ADAMTS16: variants seen among roughly 807,000 people sequenced by gnomAD.
ADAMTS16 encodes ADAM metallopeptidase with thrombospondin type 1 motif 16.
A neutral mutation model predicts 145.8 loss-of-function variants in ADAMTS16; 94 were observed. The observed-to-expected ratio is 0.64, with a 90% CI of 0.55 to 0.77. The LOEUF (loss-of-function observed/expected upper bound fraction) is 0.77, where lower values mean the gene tolerates loss of function less well. Ranked by LOEUF, ADAMTS16 falls within the 30% of genes least tolerant of loss-of-function variation. The pLI, the probability that ADAMTS16 is intolerant of heterozygous loss-of-function variation, is 0.00. For missense variants in ADAMTS16, 1,585 were observed against 1,591.5 expected (o/e 1.00, Z 0.07); for synonymous variants, 659 against 604.3 (o/e 1.09, Z -1.33).
intron 17 of ADAMTS16, among the ~76,000 whole-genome samples, chr5:5,251,895 C>T (rs899593306): frequency 1.3e-5 from 2 of 152,080 alleles, no homozygotes; most frequent in African/African-American, 4.8e-5. Flanking sequence ...CTCACTCTGT[C>T]ACCCAGGCTG....
chr5:5,262,033 A>G (rs1738053586), intron 17 of ADAMTS16, among the ~76,000 whole-genome samples: 1 of 152,224 alleles, frequency 6.6e-6, no homozygotes, highest in Non-Finnish European at 1.5e-5. Flanking sequence ...GATAAATTTA[A>G]TTAATTGAAA....
intron 3 of ADAMTS16, among the ~76,000 whole-genome samples, chr5:5,166,188 A>G (rs1188621412): frequency 6.6e-6 from 1 of 152,146 alleles, no homozygotes; most frequent in East Asian, 1.9e-4. Context: ...AATTGGGAAC[A>G]TGGAAACTGG....
chr5:5,237,815 G>C (rs1737152474), intron 14 of ADAMTS16, among the ~76,000 whole-genome samples: 1 of 152,156 alleles, frequency 6.6e-6, no homozygotes, highest in African/African-American at 2.4e-5. Flanking sequence ...GGAAGTGTTG[G>C]TGGCTAAAGG....
At chr5:5,307,705 G>A (rs1335088238) in intron 21 of ADAMTS16, among the ~76,000 whole-genome samples, 1 of 152,142 alleles carries the variant, frequency 6.6e-6, no homozygotes. Flanking sequence ...CCCTCTAAGG[G>A]GGTAACCTTA....
intron 12 of ADAMTS16, 145 bp from the exon 13 acceptor site, chr5:5,234,869 C>CAGAAAAAAAAAAAAA (rs539592178): frequency 1.9e-5 from 1 of 51,708 alleles, no homozygotes; most frequent in African/African-American, 1.4e-4. Context: ...GACTCCATCT[C>CAGAAAAAAAAAAAAA]AAAAAAAAAA....
At chr5:5,248,528 C>G (rs894645698) in intron 17 of ADAMTS16, among the ~76,000 whole-genome samples, 1 of 152,178 alleles carries the variant, frequency 6.6e-6, no homozygotes, top group Non-Finnish European at 1.5e-5. Context: ...AATTGGCCTG[C>G]GTGATTCTGG....
At chr5:5,271,923 T>C (rs1366493425) in intron 18 of ADAMTS16, among the ~76,000 whole-genome samples, 2 of 152,150 alleles carry the variant, frequency 1.3e-5, no homozygotes, top group Non-Finnish European at 2.9e-5. Flanking sequence ...CCAAGATACA[T>C]GGGTCCGTAG....
At chr5:5,201,168 G>T (rs549493330) in intron 9 of ADAMTS16, among the ~76,000 whole-genome samples, 1 of 152,098 alleles carries the variant, frequency 6.6e-6, no homozygotes, top group Non-Finnish European at 1.5e-5. Flanking sequence ...GCCATCCGGG[G>T]ACTGAGGACA....
chr5:5,253,589 A>G (rs917320835), intron 17 of ADAMTS16, among the ~76,000 whole-genome samples: 8 of 152,162 alleles, frequency 5.3e-5, no homozygotes, highest in African/African-American at 1.9e-4. Context: ...TTGAGGTCCC[A>G]AGATTTATTT....
chr5:5,233,129 A>G (rs1364362810), intron 12 of ADAMTS16, among the ~76,000 whole-genome samples: 1 of 152,204 alleles, frequency 6.6e-6, no homozygotes, highest in Non-Finnish European at 1.5e-5. Context: ...ACAAATAAAT[A>G]AATCATAAGA....
chr5:5,245,767 C>T (rs909908200), intron 17 of ADAMTS16, among the ~76,000 whole-genome samples: 1 of 152,200 alleles, frequency 6.6e-6, no homozygotes, highest in East Asian at 1.9e-4. Flanking sequence ...GGGCCCATCT[C>T]TCTGTAGGAA....
intron 21 of ADAMTS16, 40 bp from the exon 22 acceptor site, chr5:5,318,094 A>G: frequency 7.5e-7 from 1 of 1,330,122 alleles, no homozygotes. Flanking sequence ...GGTGCCTGAG[A>G]GCCTGGGGCC....
At chr5:5,289,673 G>A (rs144925441) in intron 18 of ADAMTS16, among the ~76,000 whole-genome samples, 20 of 152,336 alleles carry the variant, frequency 1.3e-4, no homozygotes, top group Admixed American at 5.2e-4. Context: ...TGGCCTGTGA[G>A]CCAAGTGCAG....
At chr5:5,212,419 A>G (rs1736299093) in intron 10 of ADAMTS16, among the ~76,000 whole-genome samples, 1 of 152,116 alleles carries the variant, frequency 6.6e-6, no homozygotes, top group Admixed American at 6.5e-5. Context: ...CATGTTAGCC[A>G]GGATGGTCTC....
Position 5,237,033 on chromosome 5 carries a change from T to G in ADAMTS16, c.2088T>G (p.Asn696Lys), listed in dbSNP as rs1421681339. Reference protein sequence around the residue: ...EGFDFFFSLSNKVKDGTPCSE... With the variant: ...EGFDFFFSLSKKVKDGTPCSE... Reference sequence around the variant, plus strand: ...TTGATTTCTTCTTTTCTTTGTCAAATAAAGTCAAAGATGGGACTCCATGCT... The same window carrying G: ...TTGATTTCTTCTTTTCTTTGTCAAAGAAAGTCAAAGATGGGACTCCATGCT... Residue 696 changes from asparagine to lysine, a missense_variant, in exon 14 of 23, where the codon AAT becomes AAG. Transcript: ENST00000274181. 6.2e-7 allele frequency: 1 copy of G among 1,614,092 alleles called. No homozygotes were observed. The highest frequency in any genetic ancestry group is 8.5e-7 in the Non-Finnish European group (1 of 1,179,946).
chr5:5,235,557 T>C (rs1020745106), intron 13 of ADAMTS16, among the ~76,000 whole-genome samples: 19 of 152,216 alleles, frequency 1.2e-4, no homozygotes, highest in Non-Finnish European at 1.3e-4. Context: ...TGAATACTTA[T>C]AATTGTCAAA....
At position 5,146,393 on chromosome 5, in the gene ADAMTS16, T is replaced by C; in HGVS notation, c.439T>C (p.Tyr147His). ...QTLPPEDFCF[Y>H]QGSLRSHRNS... ...TTTACCGCCAGAGGACTTCTGTTTC[T>C]ATCAAGGCTCTTTGCGATCACACAG... Residue 147 changes from tyrosine to histidine, a missense_variant, in exon 3 of 23, where the codon TAT becomes CAT. By Grantham distance (83) the Tyr-to-His change is moderately conservative. Coordinates refer to ENST00000274181, the MANE Select transcript of ADAMTS16 (RefSeq NM_139056.4). The C allele has an allele frequency of 6.2e-7, 1 of 1,614,000 alleles. No homozygotes were observed. Among genetic ancestry groups the C allele is most frequent in the Non-Finnish European group, 8.5e-7 (1 of 1,180,048 alleles).
intron 17 of ADAMTS16, among the ~76,000 whole-genome samples, chr5:5,253,622 A>G (rs1380327748): frequency 6.6e-6 from 1 of 152,132 alleles, no homozygotes; most frequent in Non-Finnish European, 1.5e-5. Context: ...GTTTTCATCA[A>G]TGCAACCCGC....
In ADAMTS16 at chr5:5,310,972, T is replaced by C. The variant is rs927195080; in HGVS notation, c.3411+4244T>C. ...AGCCCAGAGCCACGAGGACCAGAGA[T>C]ATGTGAGCAGCAGGGGCTGGATCTC... On this transcript the variant is annotated intron_variant, in intron 21 of 22. Coordinates refer to ENST00000274181, the MANE Select transcript of ADAMTS16 (RefSeq NM_139056.4). This position sits in a 1 kb window ranked among gnomAD's most constrained non-coding sequence, Gnocchi z 4.3. Among the ~76,000 whole-genome samples, 8 of 152,242 alleles carry C rather than the reference T, an allele frequency of 5.3e-5. No homozygotes were observed. Among genetic ancestry groups the C allele is most frequent in the African/African-American group, 1.9e-4 (8 of 41,556 alleles).
Sources: allele counts gnomAD v4.1 joint callset (sites outside exome capture counted in the v4.1 genomes callset), GRCh38; gene constraint gnomAD v4.1.1; non-coding constraint Gnocchi (gnomAD v3.1); transcripts MANE v1.5; gene names NCBI Gene and HGNC (gene_info 2026-07-23, HGNC 2026-07-21).